RGS5: variants seen among roughly 807,000 people sequenced by gnomAD.
RGS5 encodes the protein regulator of G-protein signalling 5.
A neutral mutation model predicts 18.9 loss-of-function variants in RGS5; 20 were observed. The ratio of observed to expected loss-of-function variants is 1.06; its 90% confidence interval spans 0.74 to 1.54. The LOEUF is 1.54. Ranked by LOEUF, RGS5 falls within the 40% of genes most tolerant of loss-of-function variation. The pLI is 0.00. For synonymous variants in RGS5, 57 were observed against 76.2 expected (o/e 0.75, Z 1.31); for missense variants, 201 against 211.8 (o/e 0.95, Z 0.32).
At chr1:163,234,202 T>A (rs1647559231) in intron 2 of RGS5, among the ~76,000 whole-genome samples, 1 of 152,248 alleles carries the variant, frequency 6.6e-6, no homozygotes. Context: ...AGAATTTTTA[T>A]AGATGTTCTT....
chr1:163,187,578 C>T (rs181389903), intron 1 of RGS5, among the ~76,000 whole-genome samples: 147 of 152,216 alleles, frequency 9.7e-4, no homozygotes, highest in Middle Eastern at 3.4e-3. Context: ...GCAGAAGAAA[C>T]GCTTCCATAA....
At chr1:163,178,577 C>T (rs1658668162) in intron 1 of RGS5, among the ~76,000 whole-genome samples, 1 of 152,106 alleles carries the variant, frequency 6.6e-6, no homozygotes, top group African/African-American at 2.4e-5. Context: ...CAAGACGATA[C>T]CTAAACCCAC....
chr1:163,210,698 A>G (rs1660084275), intron 1 of RGS5: 1 of 152,246 alleles, frequency 6.6e-6, no homozygotes. Flanking sequence ...ACACACAATG[A>G]GCACTCAACA....
chr1:163,209,323 C>T (rs1054111270), intron 1 of RGS5, among the ~76,000 whole-genome samples: 7 of 152,186 alleles, frequency 4.6e-5, no homozygotes, highest in South Asian at 2.1e-4. Flanking sequence ...TTTAATTATG[C>T]GAGATTGGTA....
chr1:163,306,040 A>T lies in RGS5; in HGVS notation c.-281+193T>A, dbSNP rs182543919. ...ACTATACATCTTAAACAGTTTCACC[A>T]TTAGAAAACTATCATGTTATCTGAA... is the stretch of plus-strand genomic sequence containing the variant. On this transcript the variant is annotated intron_variant, in intron 2 of 5. Coordinates refer to the RGS5 transcript ENST00000618415. Among the ~76,000 whole-genome samples, 353 of 152,312 alleles carry T rather than the reference A, an allele frequency of 2.3e-3. 1 individual carries two copies. Among genetic ancestry groups the T allele is most frequent in the Non-Finnish European group, 3.5e-3 (237 of 68,026 alleles).
upstream of RGS5, among the ~76,000 whole-genome samples, chr1:163,222,335 T>C (rs1318913282): frequency 3.3e-5 from 5 of 152,142 alleles, no homozygotes; most frequent in African/African-American, 1.2e-4. Context: ...CTCCTTATGA[T>C]AATCTAATGC....
intron 2 of RGS5, among the ~76,000 whole-genome samples, chr1:163,231,834 A>T (rs1374142286): frequency 1.3e-5 from 2 of 151,930 alleles, no homozygotes; most frequent in Non-Finnish European, 2.9e-5. Flanking sequence ...AGCAATAGGG[A>T]AACAGCAGGC....
At chr1:163,313,931 T>C (rs79198333) in intron 1 of RGS5, among the ~76,000 whole-genome samples, 13,564 of 152,134 alleles carry the variant, frequency 0.089, 679 homozygotes, top group African/African-American at 0.13. Flanking sequence ...ACTTTTGTCT[T>C]CCTGGTTTCC....
chr1:163,271,237 AG>A (rs1193818596), intron 2 of RGS5, among the ~76,000 whole-genome samples: 1 of 151,524 alleles, frequency 6.6e-6, no homozygotes, highest in Non-Finnish European at 1.5e-5. Flanking sequence ...AATATTTTTA[AG>A]GGTAATTAAT....
chr1:163,228,558 T>C (rs1647393104), intron 2 of RGS5, among the ~76,000 whole-genome samples: 1 of 152,158 alleles, frequency 6.6e-6, no homozygotes, highest in Non-Finnish European at 1.5e-5. Context: ...GCTGTGAAAG[T>C]CTCTGACACA....
At chr1:163,221,149 T>TATCA (rs1468686051), upstream of RGS5, among the ~76,000 whole-genome samples, 4 of 152,194 alleles carry the variant, frequency 2.6e-5, no homozygotes, top group Non-Finnish European at 4.4e-5. Context: ...CTTTTATGGC[T>TATCA]ATCAGCCAAC....
chr1:163,295,927 ACT>A (rs1557934274), intron 2 of RGS5, among the ~76,000 whole-genome samples: 2 of 152,016 alleles, frequency 1.3e-5, no homozygotes, highest in Admixed American at 6.6e-5. Flanking sequence ...TTTTCAATCA[ACT>A]CTCTGTTTTC....
In RGS5 at chr1:163,228,669, G is replaced by A. The variant is rs190313713; in HGVS notation, c.-280-60301C>T. Among the ~76,000 whole-genome samples, 716 of 152,312 alleles carry A rather than the reference G, an allele frequency of 4.7e-3. 6 individuals carry two copies. Among genetic ancestry groups the A allele is most frequent in the Non-Finnish European group, 6.8e-3 (461 of 68,026 alleles). Reference sequence around the variant, plus strand: ...ACTTGAATTTCTCCCCAGAAAATGGGTTTTTCTTTTCTATTGCATCATCAG... The same window carrying A: ...ACTTGAATTTCTCCCCAGAAAATGGATTTTTCTTTTCTATTGCATCATCAG... On this transcript the variant is annotated intron_variant, in intron 2 of 5. Coordinates refer to the RGS5 transcript ENST00000618415.
At chr1:163,274,456 C>T (rs1315678615) in intron 2 of RGS5, among the ~76,000 whole-genome samples, 1 of 151,902 alleles carries the variant, frequency 6.6e-6, no homozygotes, top group Non-Finnish European at 1.5e-5. Flanking sequence ...AGACCTTGTC[C>T]TATGTACCTT....
At chr1:163,277,818 G>A (rs1256100021) in intron 2 of RGS5, among the ~76,000 whole-genome samples, 1 of 152,056 alleles carries the variant, frequency 6.6e-6, no homozygotes, top group Non-Finnish European at 1.5e-5. Flanking sequence ...TCAATGAAAA[G>A]ATAGATATCA....
At chr1:163,167,375 G>C (rs1658097789) in intron 2 of RGS5, among the ~76,000 whole-genome samples, 1 of 152,142 alleles carries the variant, frequency 6.6e-6, no homozygotes, top group Admixed American at 6.5e-5. Context: ...GGATATCTCT[G>C]TTTTAATGGG....
chr1:163,163,042 G>C (rs1309115766), intron 2 of RGS5, among the ~76,000 whole-genome samples: 29 of 60,372 alleles, frequency 4.8e-4, no homozygotes, highest in African/African-American at 8.5e-4. Context: ...GATATTTCGG[G>C]GGGGGGGGTG....
intron 2 of RGS5, among the ~76,000 whole-genome samples, chr1:163,305,607 C>T (rs192414873): frequency 3.2e-4 from 48 of 152,294 alleles, no homozygotes; most frequent in African/African-American, 9.9e-4. Flanking sequence ...TAAGTACTTT[C>T]CCCCATGTTT....
chr1:163,277,853 G>A (rs1023827821), intron 2 of RGS5, among the ~76,000 whole-genome samples: 13 of 151,946 alleles, frequency 8.6e-5, no homozygotes, highest in Non-Finnish European at 1.2e-4. Flanking sequence ...AGAAATCCTG[G>A]AACTGAATAA....
Sources: allele counts gnomAD v4.1 joint callset (sites outside exome capture counted in the v4.1 genomes callset), GRCh38; gene constraint gnomAD v4.1.1; transcripts MANE v1.5; gene names NCBI Gene and HGNC (gene_info 2026-07-23, HGNC 2026-07-21).